The following JMJD1C variants were observed in gnomAD, a reference collection of about 807,000 sequenced individuals.
The protein encoded by JMJD1C is jumonji domain containing 1C, also known as jumonji domain-containing protein 1C.
JMJD1C carries 31 observed loss-of-function variants against 245.3 expected under a neutral mutation model. That is an observed-to-expected ratio of 0.13 (90% CI 0.09 to 0.17). The LOEUF (loss-of-function observed/expected upper bound fraction) is 0.17, where lower values mean the gene tolerates loss of function less well. Ranked by LOEUF, JMJD1C falls within the 10% of genes least tolerant of loss-of-function variation. The pLI is 1.00. For missense variants in JMJD1C, 2,691 were observed against 3,000.2 expected (o/e 0.90, Z 2.41); for synonymous variants, 1,057 against 1,017.4 (o/e 1.04, Z -0.74).
At chr10:63,353,810 G>C (rs1944571746) in intron 2 of JMJD1C, among the ~76,000 whole-genome samples, 1 of 151,688 alleles carries the variant, frequency 6.6e-6, no homozygotes, top group Non-Finnish European at 1.5e-5. Context: ...TTGGCCAAGG[G>C]AATCCTTGTT....
At chr10:63,477,644 A>G (rs1056033571) in intron 1 of JMJD1C, among the ~76,000 whole-genome samples, 1 of 152,062 alleles carries the variant, frequency 6.6e-6, no homozygotes, top group Non-Finnish European at 1.5e-5. Context: ...TCAACGTAAA[A>G]TATAAAGCTA....
intron 2 of JMJD1C, among the ~76,000 whole-genome samples, chr10:63,316,685 T>C (rs181627640): frequency 2.0e-5 from 3 of 152,280 alleles, no homozygotes; most frequent in East Asian, 3.9e-4. Flanking sequence ...TGACCTCAGG[T>C]GATCCGCCCA....
intron 1 of JMJD1C, among the ~76,000 whole-genome samples, chr10:63,382,583 ACAT>A (rs1360982361): frequency 5.3e-5 from 8 of 152,228 alleles, no homozygotes; most frequent in Non-Finnish European, 2.9e-5. Context: ...CCCACTGCTA[ACAT>A]CATACACAAC....
At chr10:63,282,553 A>G (rs1857532099) in intron 2 of JMJD1C, among the ~76,000 whole-genome samples, 1 of 152,216 alleles carries the variant, frequency 6.6e-6, no homozygotes, top group Non-Finnish European at 1.5e-5. Flanking sequence ...TTTTCTTTCA[A>G]TTACAAATTA....
At chr10:63,390,979 C>T (rs533048604) in intron 1 of JMJD1C, among the ~76,000 whole-genome samples, 1 of 152,284 alleles carries the variant, frequency 6.6e-6, no homozygotes, top group African/African-American at 2.4e-5. Flanking sequence ...CAACATAATA[C>T]TGCAAGTCCT....
intron 1 of JMJD1C, among the ~76,000 whole-genome samples, chr10:63,394,866 T>A (rs1180866025): frequency 6.7e-6 from 1 of 149,956 alleles, no homozygotes; most frequent in Non-Finnish European, 1.5e-5. Flanking sequence ...AAAGTGATGT[T>A]AGATGCCATC....
chr10:63,376,164 G>A (rs1351539114), intron 2 of JMJD1C, among the ~76,000 whole-genome samples: 2 of 152,114 alleles, frequency 1.3e-5, no homozygotes, highest in South Asian at 4.1e-4. Context: ...TTCTGTAACA[G>A]TGTCAAGACC....
chr10:63,252,777 T>A (rs1460079685), intron 3 of JMJD1C, among the ~76,000 whole-genome samples: 1 of 152,202 alleles, frequency 6.6e-6, no homozygotes, highest in Non-Finnish European at 1.5e-5. Context: ...GCTGATTCTA[T>A]ACTACAAAAT....
chr10:63,410,338 CTTTT>C (rs1207838388), intron 1 of JMJD1C, among the ~76,000 whole-genome samples: 3 of 152,172 alleles, frequency 2.0e-5, no homozygotes, highest in Admixed American at 2.0e-4. Flanking sequence ...TAAATCTCAT[CTTTT>C]TGTGATCTCT....
intron 3 of JMJD1C, among the ~76,000 whole-genome samples, chr10:63,251,905 G>A (rs1012399184): frequency 5.9e-4 from 90 of 152,148 alleles, no homozygotes; most frequent in Admixed American, 2.3e-3. Flanking sequence ...CCAACTACTC[G>A]GGAGGCTGAA....
At chr10:63,265,933 A>C (rs1855519284) in intron 2 of JMJD1C, among the ~76,000 whole-genome samples, 1 of 152,114 alleles carries the variant, frequency 6.6e-6, no homozygotes, top group African/African-American at 2.4e-5. Flanking sequence ...AACAATAAAC[A>C]TACTCCAGGG....
intron 2 of JMJD1C, among the ~76,000 whole-genome samples, chr10:63,267,816 G>A (rs1855782459): frequency 6.6e-6 from 1 of 151,972 alleles, no homozygotes; most frequent in Non-Finnish European, 1.5e-5. Flanking sequence ...AATAAATATA[G>A]TTGAGAGCCT....
intron 3 of JMJD1C, among the ~76,000 whole-genome samples, chr10:63,243,126 A>ATATATATATATATATATATATATATATAT (rs1564669004): frequency 1.4e-4 from 6 of 43,058 alleles, no homozygotes; most frequent in Non-Finnish European, 2.1e-4. Flanking sequence ...TATATATATA[A>ATATATATATATATATATATATATATATAT]ATATATATAT....
intron 1 of JMJD1C, among the ~76,000 whole-genome samples, chr10:63,477,112 C>T (rs1397327091): frequency 1.3e-5 from 2 of 152,070 alleles, no homozygotes; most frequent in Non-Finnish European, 2.9e-5. Context: ...CATGTCCATG[C>T]ATCAGTATTA....
chr10:63,248,591 G>A (rs889839904), intron 3 of JMJD1C, among the ~76,000 whole-genome samples: 41 of 150,678 alleles, frequency 2.7e-4, no homozygotes, highest in African/African-American at 1.0e-3. Flanking sequence ...GATGGACACT[G>A]TTGAATATGT....
intron 1 of JMJD1C, among the ~76,000 whole-genome samples, chr10:63,392,604 A>G (rs1589655569): frequency 6.6e-6 from 1 of 152,040 alleles, no homozygotes; most frequent in Non-Finnish European, 1.5e-5. Flanking sequence ...AGGTGGGTGG[A>G]TCATGAGGTC....
chr10:63,414,047 T>C (rs1161903665), intron 1 of JMJD1C, among the ~76,000 whole-genome samples: 1 of 149,744 alleles, frequency 6.7e-6, no homozygotes, highest in South Asian at 2.1e-4. Flanking sequence ...AGTGCAGTGG[T>C]GCGATCTTGG....
At chr10:63,418,155 T>C (rs907839236) in intron 1 of JMJD1C, among the ~76,000 whole-genome samples, 25 of 152,170 alleles carry the variant, frequency 1.6e-4, no homozygotes, top group African/African-American at 5.8e-4. Context: ...ATTGAGGGCT[T>C]TTAAAGCAAA....
At chr10:63,321,208 C>A (rs544172089) in intron 2 of JMJD1C, among the ~76,000 whole-genome samples, 1 of 152,282 alleles carries the variant, frequency 6.6e-6, no homozygotes, top group South Asian at 2.1e-4. Context: ...TTAAAATATT[C>A]TTTGTAATAA....
Sources: gnomAD v4.1 joint callset for allele counts (sites outside exome capture counted in the v4.1 genomes callset) on GRCh38, gnomAD v4.1.1 for gene constraint, MANE v1.5 for transcripts, NCBI Gene and HGNC (gene_info 2026-07-23, HGNC 2026-07-21) for gene names.